The following CNTNAP2 variants were observed in gnomAD, a reference collection of about 807,000 sequenced individuals.
The protein encoded by CNTNAP2 is contactin-associated protein-like 2.
A neutral mutation model predicts 155.2 loss-of-function variants in CNTNAP2; 98 were observed. The observed-to-expected ratio is 0.63, with a 90% CI of 0.54 to 0.75. The LOEUF (loss-of-function observed/expected upper bound fraction) is 0.75, where lower values mean the gene tolerates loss of function less well. Among genes scored for constraint, CNTNAP2 ranks in the 30% least tolerant of loss-of-function variants. The pLI, the probability that CNTNAP2 is intolerant of heterozygous loss-of-function variation, is 0.00. For synonymous variants in CNTNAP2, 651 were observed against 631.2 expected (o/e 1.03, Z -0.47); for missense variants, 1,727 against 1,688.1 (o/e 1.02, Z -0.40).
chr7:146,624,294 A>C (rs1232684393), intron 1 of CNTNAP2, among the ~76,000 whole-genome samples: 1 of 152,060 alleles, frequency 6.6e-6, no homozygotes, highest in Non-Finnish European at 1.5e-5. Context: ...TTATGGATAA[A>C]GGCTTGTGTG....
chr7:148,029,095 T>A (rs1802422186), intron 15 of CNTNAP2, among the ~76,000 whole-genome samples: 1 of 77,996 alleles, frequency 1.3e-5, no homozygotes. Flanking sequence ...GATATCCTTT[T>A]GGGCAACACA....
At chr7:146,756,244 A>T (rs1415906733) in intron 1 of CNTNAP2, among the ~76,000 whole-genome samples, 2 of 151,986 alleles carry the variant, frequency 1.3e-5, no homozygotes, top group Non-Finnish European at 2.9e-5. Flanking sequence ...ACATGAAAAA[A>T]AATCAAGTGG....
Position 146,163,507 on chromosome 7 carries a change from C to CTA in CNTNAP2, c.97+46542_97+46543dup, listed in dbSNP as rs983466626. Among the ~76,000 whole-genome samples the CTA allele has an allele frequency of 2.1e-4, 9 of 43,706 alleles. 1 individual carries two copies. The highest frequency in any genetic ancestry group is 1.6e-3 in the South Asian group (2 of 1,224). 28.7% of individuals were successfully genotyped at this position (43,706 alleles called of 152,430 possible). On this transcript the variant is annotated intron_variant, in intron 1 of 23. Coordinates refer to ENST00000361727, the MANE Select transcript of CNTNAP2 (RefSeq NM_014141.6). ...TCTATCTATATCTATATCTATATAT[C>CTA]TATATATATCTATATATATCTATAT...
intron 1 of CNTNAP2, among the ~76,000 whole-genome samples, chr7:146,129,490 C>T (rs1035681200): frequency 3.3e-5 from 5 of 152,134 alleles, no homozygotes; most frequent in South Asian, 4.1e-4. Flanking sequence ...CATTTCCTTC[C>T]TGGAGTTGTA....
At chr7:148,126,379 T>C (rs950166042) in intron 16 of CNTNAP2, among the ~76,000 whole-genome samples, 10 of 152,168 alleles carry the variant, frequency 6.6e-5, no homozygotes, top group Non-Finnish European at 1.5e-4. Flanking sequence ...CTAGTCTGAA[T>C]GGAGAGCCCC....
chr7:146,159,080 CAGTATTCAACATTCTAAAGAAAAGA>C (rs1380451340), intron 1 of CNTNAP2, among the ~76,000 whole-genome samples: 4 of 152,156 alleles, frequency 2.6e-5, no homozygotes, highest in Non-Finnish European at 5.9e-5. Context: ...GAGTGGGGGC[CAGTATTCAACATTCTAAAGAAAAGA>C]ATTTTCAACC....
In CNTNAP2 at chr7:147,450,419, A is replaced by G. The variant is rs557663438; in HGVS notation, c.1671-35516A>G. 2.3e-3 allele frequency among the ~76,000 whole-genome samples: 356 copies of G among 152,326 alleles called. 11 individuals are homozygous for G. In the South Asian group the frequency reaches 0.031, roughly 13 times the overall value. On this transcript the variant is annotated intron_variant, in intron 10 of 23. Transcript: ENST00000361727. ...AAGAGAGTTTTTCCCCAGTGCCTTC[A>G]AATGAGAACCCACCCTAACCAACCT...
At chr7:148,118,884 T>C (rs1207174266) in intron 16 of CNTNAP2, among the ~76,000 whole-genome samples, 1 of 152,222 alleles carries the variant, frequency 6.6e-6, no homozygotes, top group Admixed American at 6.5e-5. Context: ...GAGAGGATGC[T>C]GCTTAGCTCA....
chr7:147,042,665 T>C (rs1486865273), intron 3 of CNTNAP2, among the ~76,000 whole-genome samples: 2 of 152,092 alleles, frequency 1.3e-5, no homozygotes, highest in African/African-American at 2.4e-5. Context: ...TAGAAGCAAA[T>C]TCAGTCCTTA....
At chr7:146,514,880 T>C (rs577297495) in intron 1 of CNTNAP2, among the ~76,000 whole-genome samples, 2 of 152,220 alleles carry the variant, frequency 1.3e-5, no homozygotes, top group African/African-American at 4.8e-5. Flanking sequence ...CTGTATAGTT[T>C]ACTTGTTGAA....
chr7:147,577,470 G>A (rs1256388107), intron 12 of CNTNAP2, among the ~76,000 whole-genome samples: 5 of 151,706 alleles, frequency 3.3e-5, no homozygotes, highest in African/African-American at 1.2e-4. Flanking sequence ...TTTCAGACAG[G>A]ATACCTTCCA....
At chr7:147,178,074 T>C (rs1172451152) in intron 8 of CNTNAP2, among the ~76,000 whole-genome samples, 3 of 152,068 alleles carry the variant, frequency 2.0e-5, no homozygotes, top group African/African-American at 7.2e-5. Flanking sequence ...AAGATATCCA[T>C]GTCCTAACTC....
chr7:147,896,418 G>T (rs1312553348), intron 13 of CNTNAP2, among the ~76,000 whole-genome samples: 1 of 152,146 alleles, frequency 6.6e-6, no homozygotes. Context: ...AGTAACTCAC[G>T]CAGAGCCAGC....
chr7:147,925,154 A>AGAGAGAAG (rs1554450375), intron 14 of CNTNAP2, among the ~76,000 whole-genome samples: 17 of 63,338 alleles, frequency 2.7e-4, no homozygotes, highest in Non-Finnish European at 4.5e-4. Context: ...AGAGAGAGAG[A>AGAGAGAAG]GAAGGAAGGA....
intron 8 of CNTNAP2, among the ~76,000 whole-genome samples, chr7:147,159,001 C>T (rs952258995): frequency 1.3e-5 from 2 of 151,970 alleles, no homozygotes; most frequent in Non-Finnish European, 2.9e-5. Flanking sequence ...GGTTATTTGA[C>T]AGAGGAAGTA....
intron 1 of CNTNAP2, among the ~76,000 whole-genome samples, chr7:146,311,207 T>G (rs983781322): frequency 6.6e-6 from 1 of 152,172 alleles, no homozygotes; most frequent in Non-Finnish European, 1.5e-5. Flanking sequence ...CAAATAAACA[T>G]TTTTCCCTTT....
intron 10 of CNTNAP2, among the ~76,000 whole-genome samples, chr7:147,410,256 G>C (rs1409603124): frequency 1.3e-5 from 2 of 152,178 alleles, no homozygotes; most frequent in Non-Finnish European, 2.9e-5. Context: ...AATGGAGCTG[G>C]AGGCCATTAT....
intron 21 of CNTNAP2, among the ~76,000 whole-genome samples, chr7:148,277,593 C>CG (rs540287466): frequency 1.1e-4 from 17 of 148,596 alleles, no homozygotes; most frequent in African/African-American, 1.7e-4. Flanking sequence ...AGGACCGCCC[C>CG]CCACCACCAC....
chr7:148,219,748 CGCTGGAGCCCAGAAGTT>C (rs972106414), intron 19 of CNTNAP2, among the ~76,000 whole-genome samples: 1 of 151,996 alleles, frequency 6.6e-6, no homozygotes, highest in Non-Finnish European at 1.5e-5. Flanking sequence ...GGGGGAGGAT[CGCTGGAGCCCAGAAGTT>C]GCTGGAGCCC....
Sources: allele counts gnomAD v4.1 joint callset (sites outside exome capture counted in the v4.1 genomes callset), GRCh38; gene constraint gnomAD v4.1.1; transcripts MANE v1.5; gene names NCBI Gene and HGNC (gene_info 2026-07-23, HGNC 2026-07-21).